KIF13A: variants seen among roughly 807,000 people sequenced by gnomAD.
KIF13A encodes the protein kinesin-like protein KIF13A.
In KIF13A, 79 loss-of-function variants were observed where a neutral mutation model predicts 212.2. The ratio of observed to expected loss-of-function variants is 0.37; its 90% CI spans 0.31 to 0.45. KIF13A has a LOEUF of 0.45. KIF13A is among the 20% of genes least tolerant of loss of function. The pLI, the probability that KIF13A is intolerant of heterozygous loss-of-function variation, is 1.00. For missense variants in KIF13A, 1,901 were observed against 2,209.0 expected (o/e 0.86, Z 2.79); for synonymous variants, 789 against 808.6 (o/e 0.98, Z 0.41).
rs370516567 is a variant in KIF13A, at chr6:17,808,867, C to T, written c.2064G>A (p.Leu688=). The T allele has an allele frequency of 6.2e-7, 1 of 1,613,566 alleles. No individual in the cohort carries two copies. Among genetic ancestry groups the T allele is most frequent in the East Asian group, 2.2e-5 (1 of 44,886 alleles). The part of the protein sequence containing the change: ...LREQLVKANT[L]VREANFLAEE... Reference sequence around the variant, plus strand: ...CAGCCAGGAAGTTTGCTTCCCTCACCAAGGTATTAGCTTTAACCAGCTGCT... The same window carrying T: ...CAGCCAGGAAGTTTGCTTCCCTCACTAAGGTATTAGCTTTAACCAGCTGCT... The change falls in exon 18 of 39, where the codon TTG becomes TTA. Residue 688 remains leucine (L), a synonymous_variant. Coordinates refer to ENST00000259711, the MANE Select transcript of KIF13A (RefSeq NM_022113.6).
At chr6:17,939,700 C>T (rs556864844) in intron 2 of KIF13A, among the ~76,000 whole-genome samples, 1 of 152,282 alleles carries the variant, frequency 6.6e-6, no homozygotes, top group East Asian at 1.9e-4. Context: ...AGGAAAGTGA[C>T]CCCTGGTCAT....
At chr6:17,836,856 G>A (rs1443663206) in intron 11 of KIF13A, 22 bp downstream of exon 11, 10 of 1,605,980 alleles carry the variant, frequency 6.2e-6, no homozygotes, top group Non-Finnish European at 7.7e-6. Context: ...TTTACCAGCA[G>A]GGAGTACCAG....
In KIF13A at chr6:17,837,287, C is replaced by T. The variant is rs954942346; in HGVS notation, c.942+185G>A. Among the ~76,000 whole-genome samples the T allele has an allele frequency of 1.3e-5, 2 of 152,182 alleles. No homozygotes were observed. The highest frequency in any genetic ancestry group is 1.5e-5 in the Non-Finnish European group (1 of 68,020). ...TATTCAAGCAATGAATAAGGCCTGT[C>T]AAACAGCATTCAAATGGAATAAAAA... On this transcript the variant is annotated intron_variant, in intron 10 of 38. Transcript: ENST00000259711. This position sits in a 1 kb window ranked among gnomAD's most constrained non-coding sequence, Gnocchi z 5.4.
In KIF13A at chr6:17,788,471, T is replaced by C. The variant is rs149787579; in HGVS notation, c.3262-596A>G. Among the ~76,000 whole-genome samples, 93 of 152,236 alleles carry C rather than the reference T, an allele frequency of 6.1e-4. 1 individual carries two copies. The East Asian group carries it at 0.017, about 28-fold the overall frequency. On this transcript the variant is annotated intron_variant, in intron 26 of 38. Transcript: ENST00000259711. ...CTTTAAGAAATCCCCTAGGCAGCCA[T>C]TGGACTGCACTGTGAAAAATGTGCC...
intron 25 of KIF13A, among the ~76,000 whole-genome samples, chr6:17,792,404 C>T (rs534816956): frequency 3.9e-5 from 6 of 152,180 alleles, no homozygotes; most frequent in African/African-American, 1.4e-4. Flanking sequence ...AAGTCTACTT[C>T]ATCAGTTTGG....
chr6:17,975,261 G>A (rs538585643), intron 2 of KIF13A, among the ~76,000 whole-genome samples: 20 of 152,256 alleles, frequency 1.3e-4, no homozygotes, highest in African/African-American at 4.1e-4. Context: ...GCTCAGGCAG[G>A]AGAATTGTTT....
intron 2 of KIF13A, among the ~76,000 whole-genome samples, chr6:17,942,898 G>C (rs1777070207): frequency 6.6e-6 from 1 of 152,140 alleles, no homozygotes; most frequent in Admixed American, 6.5e-5. Flanking sequence ...AGAACTGCTT[G>C]AGCCTGGGAG....
rs552917302 is a variant in KIF13A at position 17,966,590 on chromosome 6, GT to G, written c.146+20463del. Among the ~76,000 whole-genome samples, 481 of 151,712 alleles carry G rather than the reference GT, an allele frequency of 3.2e-3. 1 individual carries two copies. The highest frequency in any genetic ancestry group is 7.9e-3 in the Admixed American group (120 of 15,224). ...AAGGAGGGGTGAATAAATATAGAGT[GT>G]CTCCTAGATCTAATCCCAACACAAC... On this transcript the variant is annotated intron_variant, in intron 2 of 38. Coordinates refer to ENST00000259711, the MANE Select transcript of KIF13A (RefSeq NM_022113.6).
intron 2 of KIF13A, among the ~76,000 whole-genome samples, chr6:17,938,984 G>T (rs1049023277): frequency 1.3e-5 from 2 of 152,138 alleles, no homozygotes; most frequent in African/African-American, 4.8e-5. Context: ...GTAAAGAGAT[G>T]AGTCACTGAA....
chr6:17,771,265 C>A lies in KIF13A; in HGVS notation c.4477-47G>T, dbSNP rs368800893. The A allele has an allele frequency of 8.2e-7, 1 of 1,221,680 alleles. No homozygotes were observed. The highest frequency in any genetic ancestry group is 1.2e-6 in the Non-Finnish European group (1 of 836,266). The allele number at this position is 1,221,680 out of a possible 1,614,324, so 75.7% of individuals were successfully genotyped here. A position where few individuals can be genotyped will look rare whatever the true frequency, so the allele number is the denominator to read the frequency against. On this transcript the variant is annotated intron_variant, in intron 37 of 38. Coordinates refer to ENST00000259711, the MANE Select transcript of KIF13A (RefSeq NM_022113.6). This position sits in a 1 kb window ranked among gnomAD's most constrained non-coding sequence, Gnocchi z 5.4. ...GATGCATCACACACAAAGACGACAACGGCCAAAATACATATTAAGTACATG... is the reference window on the plus strand; with the variant it reads ...GATGCATCACACACAAAGACGACAAAGGCCAAAATACATATTAAGTACATG...
rs967800049 is a variant in KIF13A, at chr6:17,982,317, C to T, written c.146+4737G>A. 5 of 396,214 alleles carry T rather than the reference C, an allele frequency of 1.3e-5. No individual in the cohort carries two copies. Among genetic ancestry groups the T allele is most frequent in the Non-Finnish European group, 1.7e-5 (5 of 292,466 alleles). The allele number at this position is 396,214 out of a possible 1,614,324, so 24.5% of individuals were successfully genotyped here. On this transcript the variant is annotated intron_variant, in intron 2 of 38. Transcript: ENST00000259711. This position sits in a 1 kb window ranked among gnomAD's most constrained non-coding sequence, Gnocchi z 5.1. ...TTCACCATGTTGGCCAGGCTGGTCT[C>T]GAACTCCTGACCTCAGGTGATCTGC...
At chr6:17,928,897 T>C (rs928690271) in intron 2 of KIF13A, among the ~76,000 whole-genome samples, 1 of 151,970 alleles carries the variant, frequency 6.6e-6, no homozygotes, top group African/African-American at 2.4e-5. Context: ...TGGTACATAA[T>C]GGAAATGTAT....
chr6:17,817,345 A>G (rs1657249886), intron 16 of KIF13A, 112 bp from the exon 17 acceptor site: 1 of 876,082 alleles, frequency 1.1e-6, no homozygotes, highest in Admixed American at 2.3e-5. Flanking sequence ...TAGCCAGTCA[A>G]TACGCTTTTT....
Position 17,963,203 on chromosome 6 carries a change from A to G in KIF13A, c.146+23851T>C, listed in dbSNP as rs956324406. 3.9e-5 allele frequency among the ~76,000 whole-genome samples: 6 copies of G among 152,090 alleles called. No homozygotes were observed. Among genetic ancestry groups the G allele is most frequent in the Non-Finnish European group, 5.9e-5 (4 of 68,010 alleles). ...GAGGCCGAGGTGGGCGGATCACCTG[A>G]GGTGGGGAGTTCAAGACCAGCCTGG... On this transcript the variant is annotated intron_variant, in intron 2 of 38. Transcript: ENST00000259711. This position sits in a 1 kb window ranked among gnomAD's most constrained non-coding sequence, Gnocchi z 4.1.
chr6:17,764,441 G>A lies in KIF13A; in HGVS notation c.5087C>T (p.Thr1696Ile). Residue 1696 changes from threonine to isoleucine, a missense_variant, in exon 39 of 39, where the codon ACT becomes ATT. Physicochemically the swap from Thr to Ile is moderately conservative, Grantham distance 89. Coordinates refer to ENST00000259711, the MANE Select transcript of KIF13A (RefSeq NM_022113.6). The surrounding 1 kb of genome is among the most constrained non-coding windows in gnomAD (Gnocchi z 5.1). ...PEKNSKSLCRTGSCSELDACP... is the reference protein window; with the variant it reads ...PEKNSKSLCRIGSCSELDACP... ...GGCATCTAGTTCTGAACATGAGCCA[G>A]TCCTGCACAGTGATTTGGAGTTTTT... is the stretch of plus-strand genomic sequence containing the variant. 1 of 1,614,012 alleles carries A rather than the reference G, an allele frequency of 6.2e-7. No homozygotes were observed. Among genetic ancestry groups the A allele is most frequent in the East Asian group, 2.2e-5 (1 of 44,878 alleles).
Position 17,853,895 on chromosome 6 carries a change from C to CATTTATTT in KIF13A, c.494+1534_494+1541dup, listed in dbSNP as rs148334854. On this transcript the variant is annotated intron_variant, in intron 6 of 38. Coordinates refer to ENST00000259711, the MANE Select transcript of KIF13A (RefSeq NM_022113.6). ...AGCTTCACAATTATTGGTCATGTTC[C>CATTTATTT]ATTTATTTATTTATTTATTTATTTA... 1.1e-3 allele frequency among the ~76,000 whole-genome samples: 160 copies of CATTTATTT among 151,392 alleles called. 1 individual carries two copies. Among genetic ancestry groups the CATTTATTT allele is most frequent in the South Asian group, 3.8e-3 (18 of 4,770 alleles).
intron 38 of KIF13A, among the ~76,000 whole-genome samples, 199 bp from the exon 39 acceptor site, chr6:17,765,145 T>A (rs1758831071): frequency 6.6e-6 from 1 of 152,236 alleles, no homozygotes; most frequent in African/African-American, 2.4e-5. Flanking sequence ...CCTGTGAATA[T>A]AAACCCCTTA....
In KIF13A at chr6:17,824,703, G is replaced by A. The variant is rs566465697; in HGVS notation, c.1786+1065C>T. On this transcript the variant is annotated intron_variant, in intron 16 of 38. Transcript: ENST00000259711. ...GTGAACCTGGGAGGTGGAGCTTGCA[G>A]TGAACCGAGATCGTGCCACTGCACT... is the stretch of plus-strand genomic sequence containing the variant. Among the ~76,000 whole-genome samples the A allele has an allele frequency of 2.1e-3, 307 of 145,514 alleles. 2 individuals are homozygous for A. Among genetic ancestry groups the A allele is most frequent in the Middle Eastern group, 3.7e-3 (1 of 270 alleles).
At chr6:17,780,587 G>T in intron 31 of KIF13A, 143 bp downstream of exon 31, 1 of 741,864 alleles carries the variant, frequency 1.3e-6, no homozygotes, top group Non-Finnish European at 2.2e-6. Context: ...CACTACCTTG[G>T]ATAAATGAGA....
Sources: allele counts gnomAD v4.1 joint callset (sites outside exome capture counted in the v4.1 genomes callset), GRCh38; gene constraint gnomAD v4.1.1; non-coding constraint Gnocchi (gnomAD v3.1); transcripts MANE v1.5; gene names NCBI Gene and HGNC (gene_info 2026-07-23, HGNC 2026-07-21).